The following PRSS23 variants were observed in gnomAD, a reference collection of about 807,000 sequenced individuals.
PRSS23 encodes protease, serine 23.
PRSS23 carries 25 observed loss-of-function variants against 34.7 expected under a neutral mutation model. The observed-to-expected ratio is 0.72, with a 90% CI of 0.53 to 1.01. The LOEUF (loss-of-function observed/expected upper bound fraction) is 1.01, where lower values mean the gene tolerates loss of function less well. PRSS23 is among the 50% of genes least tolerant of loss of function. The probability of loss-of-function intolerance (pLI) is 0.00; values close to 1 mark genes in which losing one functional copy is unlikely to be tolerated. For synonymous variants in PRSS23, 176 were observed against 186.6 expected (o/e 0.94, Z 0.46); for missense variants, 445 against 475.6 (o/e 0.94, Z 0.60).
chr11:86,880,339 A>G (rs1055778021), intron 2 of PRSS23, among the ~76,000 whole-genome samples: 2 of 150,616 alleles, frequency 1.3e-5, no homozygotes, highest in Non-Finnish European at 3.0e-5. Context: ...GCATAGGAAA[A>G]CCAGAGACCT....
chr11:86,798,486 T>A (rs139565532), upstream of PRSS23, among the ~76,000 whole-genome samples: 371 of 152,322 alleles, frequency 2.4e-3, 2 homozygotes, highest in African/African-American at 8.0e-3. Flanking sequence ...TGAGTCTGCA[T>A]TGGGCACCTC....
chr11:86,847,381 C>G (rs936404924), intron 2 of PRSS23, among the ~76,000 whole-genome samples: 3 of 152,220 alleles, frequency 2.0e-5, no homozygotes, highest in African/African-American at 7.2e-5. Context: ...ATAAATCCAA[C>G]AGTCCTTGTG....
chr11:86,935,785 T>G (rs1394765703), intron 2 of PRSS23: 2 of 152,184 alleles, frequency 1.3e-5, no homozygotes, highest in African/African-American at 4.8e-5. Context: ...AGTTGACCCC[T>G]GCCAACTCCA....
intron 1 of PRSS23, among the ~76,000 whole-genome samples, chr11:86,802,440 C>T (rs955400837): frequency 1.3e-5 from 2 of 152,132 alleles, no homozygotes; most frequent in Non-Finnish European, 2.9e-5. Flanking sequence ...TTCAGGAAAA[C>T]GAGAACAAGC....
At chr11:86,874,895 G>T (rs908598496) in intron 2 of PRSS23, among the ~76,000 whole-genome samples, 19 of 152,190 alleles carry the variant, frequency 1.2e-4, no homozygotes, top group Admixed American at 9.2e-4. Context: ...AGGCTGGAAG[G>T]ACTTGAGGGC....
intron 2 of PRSS23, among the ~76,000 whole-genome samples, chr11:86,860,210 T>C (rs913983174): frequency 6.6e-6 from 1 of 151,906 alleles, no homozygotes; most frequent in Non-Finnish European, 1.5e-5. Flanking sequence ...ATCTCAGGTG[T>C]TGTTCACACC....
chr11:86,865,999 T>C (rs1948646882), intron 2 of PRSS23, among the ~76,000 whole-genome samples: 1 of 152,046 alleles, frequency 6.6e-6, no homozygotes, highest in Non-Finnish European at 1.5e-5. Context: ...TGTCTGGGAG[T>C]CACGCTTCAT....
At chr11:86,945,207 C>T (rs1437175313) in intron 2 of PRSS23, among the ~76,000 whole-genome samples, 1 of 148,780 alleles carries the variant, frequency 6.7e-6, no homozygotes, top group African/African-American at 2.5e-5. Flanking sequence ...ACTGGGTAGC[C>T]AGAAAAAAAA....
chr11:86,833,788 T>TG (rs1400434399), intron 2 of PRSS23, among the ~76,000 whole-genome samples: 1 of 152,158 alleles, frequency 6.6e-6, no homozygotes, highest in Non-Finnish European at 1.5e-5. Flanking sequence ...GCCTAGGAAA[T>TG]CCAGCTAGTC....
intron 1 of PRSS23, among the ~76,000 whole-genome samples, chr11:86,805,799 A>T (rs569652485): frequency 6.6e-6 from 1 of 152,238 alleles, no homozygotes; most frequent in Non-Finnish European, 1.5e-5. Context: ...CTACTTTTAT[A>T]TAAAAGGGAG....
intron 2 of PRSS23, among the ~76,000 whole-genome samples, chr11:86,938,247 A>C (rs1949177492): frequency 6.6e-6 from 1 of 152,206 alleles, no homozygotes; most frequent in Non-Finnish European, 1.5e-5. Context: ...GAACAATATA[A>C]TGTAATATAA....
intron 2 of PRSS23, among the ~76,000 whole-genome samples, chr11:86,879,760 C>T (rs1407771159): frequency 3.0e-5 from 4 of 133,606 alleles, no homozygotes; most frequent in Middle Eastern, 3.9e-3. Flanking sequence ...CCGCCCCGTC[C>T]GGGAGGGAGG....
chr11:86,819,767 T>C (rs1948240067), intron 1 of PRSS23, among the ~76,000 whole-genome samples: 1 of 152,240 alleles, frequency 6.6e-6, no homozygotes, highest in Non-Finnish European at 1.5e-5. Context: ...TTAAGATGAA[T>C]ACATTTTCAT....
intron 1 of PRSS23, 126 bp from the exon 2 acceptor site, chr11:86,807,505 A>G: frequency 1.1e-6 from 1 of 920,542 alleles, no homozygotes; most frequent in Non-Finnish European, 1.6e-6. Flanking sequence ...TCCTCTCCAC[A>G]CCCTGATTCC....
chr11:86,908,146 A>G (rs1948955705), intron 2 of PRSS23, among the ~76,000 whole-genome samples: 1 of 152,226 alleles, frequency 6.6e-6, no homozygotes, highest in South Asian at 2.1e-4. Flanking sequence ...CATGTCAGCT[A>G]TTGTGAATAA....
chr11:86,912,915 A>C lies in PRSS23; in HGVS notation c.207-38301A>C, dbSNP rs184113582. 5.5e-4 allele frequency among the ~76,000 whole-genome samples: 84 copies of C among 152,104 alleles called. 1 individual carries two copies. The highest frequency in any genetic ancestry group is 5.4e-3 in the Admixed American group (83 of 15,284). ...CATTCATCCAAAAAGTGTTATTTTT[A>C]TTTGTTTGTTTGTTTTAGCCAGTAA... On this transcript the variant is annotated intron_variant, in intron 2 of 2. Transcript: ENST00000533902.
chr11:86,822,633 A>AG (rs1948261352), intron 1 of PRSS23, among the ~76,000 whole-genome samples: 1 of 151,838 alleles, frequency 6.6e-6, no homozygotes, highest in African/African-American at 2.4e-5. Context: ...AAAAAAAAAA[A>AG]AAAAAAATGC....
chr11:86,883,126 G>A (rs192098349), intron 2 of PRSS23, among the ~76,000 whole-genome samples: 1,901 of 152,258 alleles, frequency 0.012, 38 homozygotes, highest in African/African-American at 0.043. Context: ...TGCAGAGTTT[G>A]CAAAAATTTT....
At chr11:86,851,997 G>T (rs1214933788) in intron 2 of PRSS23, among the ~76,000 whole-genome samples, 3 of 152,158 alleles carry the variant, frequency 2.0e-5, no homozygotes, top group Non-Finnish European at 4.4e-5. Context: ...TGAGCTGACA[G>T]TTTGCATATT....
Sources: gnomAD v4.1 joint callset for allele counts (sites outside exome capture counted in the v4.1 genomes callset) on GRCh38, gnomAD v4.1.1 for gene constraint, MANE v1.5 for transcripts, NCBI Gene and HGNC (gene_info 2026-07-23, HGNC 2026-07-21) for gene names.